Variants in IFI44L observed in about 807,000 individuals in gnomAD.
IFI44L encodes the protein interferon induced protein 44 like.
In IFI44L, 40 loss-of-function variants were observed where a neutral mutation model predicts 39.3. The observed-to-expected ratio is 1.02, with a 90% CI of 0.79 to 1.33. The LOEUF (loss-of-function observed/expected upper bound fraction) is 1.33. IFI44L is among the 40% of genes most tolerant of loss of function. The pLI is 0.00. For synonymous variants in IFI44L, 198 were observed against 182.3 expected, an observed-to-expected ratio of 1.09 and a Z score of -0.69; for missense variants, 623 against 549.0, an observed-to-expected ratio of 1.13 and a Z score of -1.35.
At chr1:78,626,610 A>C (rs536068436) in intron 1 of IFI44L, 7 of 152,214 alleles carry the variant, frequency 4.6e-5, no homozygotes, top group Admixed American at 4.6e-4. Context: ...AGGACTGAGA[A>C]TACTGAAGTA....
At position 78,643,658 on chromosome 1, in the gene IFI44L, T is replaced by C. The variant is rs1200047057; in HGVS notation, c.*1849T>C. The C allele has an allele frequency of 1.4e-5, 2 of 141,214 alleles. No homozygotes were observed. Among genetic ancestry groups the C allele is most frequent in the East Asian group, 4.3e-4 (2 of 4,692 alleles). 8.7% of individuals were successfully genotyped at this position (141,214 alleles called of 1,614,324 possible). On this transcript the variant is annotated 3_prime_UTR_variant, in exon 9 of 9. Transcript: ENST00000370751. ...TTGTTTTTTTTTTGTTGTTGTTTTT[T>C]TTTTTTTTTGTTTTTTTGCTGAGTC...
chr1:78,628,142 C>A lies in IFI44L; in HGVS notation c.227C>A (p.Ser76Tyr), dbSNP rs577385674. The A allele has an allele frequency of 1.2e-6, 2 of 1,611,828 alleles. No individual in the cohort carries two copies. The highest frequency in any genetic ancestry group is 1.7e-6 in the Non-Finnish European group (2 of 1,178,696). ...LGNYINLHES[S>Y]TEPNDSLWFS... is the part of the protein sequence containing the mutation. ...AATTATATTAATTTACATGAAAGTT[C>A]TACAGAGCCAAATGATTCCCTATGG... Residue 76 changes from serine to tyrosine, a missense_variant, in exon 2 of 9, where the codon TCT becomes TAT. Ser to Tyr is a moderately radical substitution (Grantham distance 144, BLOSUM62 -2). Coordinates refer to ENST00000370751, the MANE Select transcript of IFI44L (RefSeq NM_006820.4).
intron 1 of IFI44L, chr1:78,626,162 G>T (rs1231287364): frequency 2.0e-5 from 3 of 151,380 alleles, no homozygotes; most frequent in Non-Finnish European, 4.4e-5. Flanking sequence ...TACTTCAGTT[G>T]GTAAATTTTC....
intron 5 of IFI44L, among the ~76,000 whole-genome samples, chr1:78,636,384 C>T (rs921790963): frequency 2.6e-5 from 4 of 151,966 alleles, no homozygotes; most frequent in African/African-American, 9.7e-5. Context: ...ATACCAACAC[C>T]CTAATTTTTC....
Position 78,641,804 on chromosome 1 carries a change from A to G in IFI44L, c.1354A>G (p.Ile452Val). Reference protein sequence around the residue: ...GAIERALQPCI With the variant: ...GAIERALQPCV ...AATTGAGAGAGCGTTACAGCCCTGCATTTGAGATAAGTTGCCTTGATTCTG... is the reference window on the plus strand; with the variant it reads ...AATTGAGAGAGCGTTACAGCCCTGCGTTTGAGATAAGTTGCCTTGATTCTG... The change falls in exon 9 of 9, where the codon ATT (isoleucine) becomes GTT (valine). Residue 452 changes from isoleucine (I) to valine (V), a missense_variant. By Grantham distance (29) the Ile-to-Val change is conservative (BLOSUM62 3). Transcript: ENST00000370751. 1.2e-6 allele frequency: 2 copies of G among 1,613,632 alleles called. No homozygotes were observed. The highest frequency in any genetic ancestry group is 1.1e-5 in the South Asian group (1 of 91,066).
At chr1:78,638,460 T>C (rs1653032717) in intron 6 of IFI44L, among the ~76,000 whole-genome samples, 1 of 152,126 alleles carries the variant, frequency 6.6e-6, no homozygotes, top group South Asian at 2.1e-4. Context: ...ACATGAATTC[T>C]AGATATTTTG....
chr1:78,626,157 CA>C (rs1289885951), intron 1 of IFI44L: 2 of 151,680 alleles, frequency 1.3e-5, no homozygotes, highest in Non-Finnish European at 2.9e-5. Flanking sequence ...CTCAATACTT[CA>C]GTTGGTAAAT....
intron 6 of IFI44L, among the ~76,000 whole-genome samples, chr1:78,639,768 T>C (rs1377476648): frequency 6.6e-6 from 1 of 152,124 alleles, no homozygotes; most frequent in Non-Finnish European, 1.5e-5. Context: ...GATTTTAATA[T>C]AAAGAATTGT....
chr1:78,629,924 T>A lies in IFI44L; in HGVS notation c.723+9T>A, dbSNP rs772454778. 6.2e-7 allele frequency: 1 copy of A among 1,608,046 alleles called. No individual in the cohort carries two copies. The stretch of plus-strand genomic sequence containing the variant: ...CCAGCATAACCGAGCGGGTAAGTTA[T>A]TTCCCTGAGGATTTTATTTTATAGA... On this transcript the variant is annotated intron_variant, in intron 4 of 8. Transcript: ENST00000370751.
intron 1 of IFI44L, among the ~76,000 whole-genome samples, chr1:78,621,834 A>G (rs909141232): frequency 6.6e-6 from 1 of 152,086 alleles, no homozygotes; most frequent in Non-Finnish European, 1.5e-5. Flanking sequence ...TTTATGGGGT[A>G]CAGGTGATAT....
chr1:78,643,928 A>G lies in IFI44L; in HGVS notation c.*2119A>G, dbSNP rs1647018399. 6.6e-6 allele frequency: 1 copy of G among 152,176 alleles called. No homozygotes were observed. The highest frequency in any genetic ancestry group is 1.9e-4 in the East Asian group (1 of 5,198). 9.4% of individuals were successfully genotyped at this position (152,176 alleles called of 1,614,324 possible). ...CTACAGGGAATTGGCTTAAAGGGCA[A>G]GTTGGTTAGTACTTAGCTGTGTTTT... On this transcript the variant is annotated 3_prime_UTR_variant, in exon 9 of 9. Transcript: ENST00000370751.
In IFI44L at chr1:78,641,797, G is replaced by C; in HGVS notation, c.1347G>C (p.Gln449His). The C allele has an allele frequency of 6.2e-7, 1 of 1,613,654 alleles. No individual in the cohort carries two copies. Among genetic ancestry groups the C allele is most frequent in the East Asian group, 2.2e-5 (1 of 44,878 alleles). ...EETGAIERALQPCI is the reference protein window; with the variant it reads ...EETGAIERALHPCI ...CAGGTGCAATTGAGAGAGCGTTACA[G>C]CCCTGCATTTGAGATAAGTTGCCTT... Residue 449 changes from glutamine to histidine, a missense_variant, in exon 9 of 9, where the codon CAG becomes CAC. By Grantham distance (24) the Gln-to-His change is conservative. Transcript: ENST00000370751.
At chr1:78,640,586 A>G (rs760400796) in intron 6 of IFI44L, among the ~76,000 whole-genome samples, 1 of 152,148 alleles carries the variant, frequency 6.6e-6, no homozygotes, top group African/African-American at 2.4e-5. Context: ...TACTAATTCA[A>G]TCCCTGTGGT....
chr1:78,638,764 C>A (rs1009806515), intron 6 of IFI44L, among the ~76,000 whole-genome samples: 4 of 152,048 alleles, frequency 2.6e-5, no homozygotes, highest in African/African-American at 9.7e-5. Context: ...ATGATGGTTG[C>A]TTTAGAATCC....
Position 78,627,999 on chromosome 1 carries a change from T to G in IFI44L, c.84T>G (p.Tyr28Ter). ...LLGNVSLSLL[Y>*]KSSVHGGSIE... ...GAAATGTTTCTTTGAGTCTTCTCTA[T>G]AAGTCTAGTGTTCATGGAGGTAGCA... Residue 28 changes from tyrosine (Y) to a stop codon, truncating the protein, a stop_gained, in exon 2 of 9, where the codon TAT becomes TAG. Coordinates refer to ENST00000370751, the MANE Select transcript of IFI44L (RefSeq NM_006820.4). LOFTEE classifies it high-confidence loss of function. The G allele has an allele frequency of 6.2e-7, 1 of 1,612,974 alleles. No homozygotes were observed. The highest frequency in any genetic ancestry group is 1.1e-5 in the South Asian group (1 of 90,946).
At chr1:78,627,799 T>TTAA in intron 1 of IFI44L, 107 bp from the exon 2 acceptor site, 1 of 530,042 alleles carries the variant, frequency 1.9e-6, no homozygotes. Context: ...ACAATGTGTT[T>TTAA]TAATTGAGTC....
At chr1:78,630,116 C>A in intron 4 of IFI44L, 2 of 546,112 alleles carry the variant, frequency 3.7e-6, no homozygotes, top group South Asian at 2.5e-5. Flanking sequence ...ATGGAAGAAG[C>A]AGTTATATAA....
Position 78,641,564 on chromosome 1 carries a change from CG to C in IFI44L, c.1282del (p.Ala428LeufsTer6). On this transcript the variant is annotated frameshift_variant, in exon 8 of 9. Coordinates refer to ENST00000370751, the MANE Select transcript of IFI44L (RefSeq NM_006820.4). LOFTEE classifies it low-confidence loss of function (END_TRUNC). Reference sequence around the variant, plus strand: ...CCTCTCTGCACTGAGGCAGATGCTGCGGGCTGCAGATGATTTTTTAGAAGAT... The same window carrying C: ...CCTCTCTGCACTGAGGCAGATGCTGCGGCTGCAGATGATTTTTTAGAAGAT... ...LILSALRQML[R>X]AADDFLEDLP... 1 of 1,613,612 alleles carries C rather than the reference CG, an allele frequency of 6.2e-7. No individual in the cohort carries two copies. Among genetic ancestry groups the C allele is most frequent in the East Asian group, 2.2e-5 (1 of 44,852 alleles).
rs535917570 is a variant in IFI44L at position 78,646,020 on chromosome 1, T to C, written c.*4211T>C. 6.6e-6 allele frequency: 1 copy of C among 152,186 alleles called. No homozygotes were observed. The highest frequency in any genetic ancestry group is 1.5e-5 in the Non-Finnish European group (1 of 68,040). The allele number at this position is 152,186 out of a possible 1,614,324, so 9.4% of individuals were successfully genotyped here. A position where few individuals can be genotyped will look rare whatever the true frequency, so the allele number is the denominator to read the frequency against. The stretch of plus-strand genomic sequence containing the variant: ...CAGGGGTGGAGGTGGGGGGGTTGAA[T>C]AACAAGCTGTGCTAAATAATTACGT... On this transcript the variant is annotated 3_prime_UTR_variant, in exon 9 of 9. Coordinates refer to ENST00000370751, the MANE Select transcript of IFI44L (RefSeq NM_006820.4).
Sources: gnomAD v4.1 joint callset for allele counts (sites outside exome capture counted in the v4.1 genomes callset) on GRCh38, gnomAD v4.1.1 for gene constraint, MANE v1.5 for transcripts, NCBI Gene and HGNC (gene_info 2026-07-23, HGNC 2026-07-21) for gene names.